Variants in UNC45B observed in about 807,000 individuals in gnomAD.
The protein encoded by UNC45B is unc-45 myosin chaperone B.
In UNC45B, 78 loss-of-function variants were observed where a neutral mutation model predicts 98.7. The ratio of observed to expected loss-of-function variants is 0.79; its 90% CI spans 0.66 to 0.95. UNC45B has a LOEUF of 0.95. Among genes scored for constraint, UNC45B ranks in the 40% least tolerant of loss-of-function variants. The pLI, the probability that UNC45B is intolerant of heterozygous loss-of-function variation, is 0.00. For synonymous variants in UNC45B, 462 were observed against 480.4 expected (o/e 0.96, Z 0.50); for missense variants, 1,225 against 1,184.9 (o/e 1.03, Z -0.50).
chr17:35,175,331 C>T (rs2092225133), intron 14 of UNC45B, among the ~76,000 whole-genome samples: 1 of 152,122 alleles, frequency 6.6e-6, no homozygotes, highest in Non-Finnish European at 1.5e-5. Context: ...CAGCTACAGT[C>T]CGATGCAATG....
chr17:35,178,671 G>T (rs960000928), intron 17 of UNC45B, among the ~76,000 whole-genome samples: 2 of 152,150 alleles, frequency 1.3e-5, no homozygotes, highest in Non-Finnish European at 2.9e-5. Flanking sequence ...TATGGTTTTA[G>T]ATCTTACATT....
chr17:35,150,054 A>T lies in UNC45B; in HGVS notation c.212A>T (p.Asp71Val), dbSNP rs746594588. ...CCCCGTCTCCCCTCGATAGCCATCG[A>T]CATCAACTCCTCGGACATCAAGGCT... ...QAASDASRAI[D>V]INSSDIKALY... Residue 71 changes from aspartate (D) to valine (V), a missense_variant, in exon 4 of 20, where the codon GAC (aspartate) becomes GTC (valine). Coordinates refer to ENST00000394570, the MANE Select transcript of UNC45B (RefSeq NM_001267052.2). The T allele has an allele frequency of 6.2e-7, 1 of 1,604,076 alleles. No homozygotes were observed. The highest frequency in any genetic ancestry group is 8.5e-7 in the Non-Finnish European group (1 of 1,174,904).
chr17:35,155,265 C>G (rs759636726), intron 6 of UNC45B, 31 bp from the exon 7 acceptor site: 50 of 1,608,374 alleles, frequency 3.1e-5, no homozygotes, highest in Non-Finnish European at 4.2e-5. Flanking sequence ...AGGGGCAAGG[C>G]AGCTGACCAT....
At position 35,147,883 on chromosome 17, in the gene UNC45B, G is replaced by T. The variant is rs899475521; in HGVS notation, c.-28G>T. 3.1e-5 allele frequency: 6 copies of T among 191,036 alleles called. No individual in the cohort carries two copies. The highest frequency in any genetic ancestry group is 2.2e-4 in the Admixed American group (4 of 18,428). The allele number at this position is 191,036 out of a possible 1,614,324, so 11.8% of individuals were successfully genotyped here. A position where few individuals can be genotyped will look rare whatever the true frequency, so the allele number is the denominator to read the frequency against. ...AGGGGAGCAGCATCACAAGAGGGCA[G>T]ATCGAAAGCATCGTCCTTGCTGAAA... On this transcript the variant is annotated 5_prime_UTR_variant, in exon 1 of 20. Transcript: ENST00000394570.
intron 10 of UNC45B, among the ~76,000 whole-genome samples, chr17:35,169,526 A>G (rs1217313025): frequency 1.3e-5 from 2 of 152,224 alleles, no homozygotes; most frequent in East Asian, 3.9e-4. Flanking sequence ...AGCTTCAGAT[A>G]TGGTTAACTT....
intron 5 of UNC45B, among the ~76,000 whole-genome samples, chr17:35,153,694 T>C (rs2092037611): frequency 6.7e-6 from 1 of 149,872 alleles, no homozygotes; most frequent in Non-Finnish European, 1.5e-5. Flanking sequence ...TTTTGGTTTG[T>C]TTTTTTTGTT....
intron 17 of UNC45B, among the ~76,000 whole-genome samples, chr17:35,179,884 C>T (rs2092261677): frequency 2.1e-5 from 3 of 143,288 alleles, no homozygotes; most frequent in South Asian, 2.3e-4. Flanking sequence ...TGCACATGTA[C>T]CCTAGAACTT....
chr17:35,179,756 G>A (rs888815825), intron 17 of UNC45B, among the ~76,000 whole-genome samples: 2 of 152,074 alleles, frequency 1.3e-5, no homozygotes, highest in Admixed American at 6.5e-5. Flanking sequence ...TGTTGGGGGT[G>A]GGGAGCTGGG....
chr17:35,148,571 C>A, intron 2 of UNC45B, 140 bp downstream of exon 2: 3 of 986,032 alleles, frequency 3.0e-6, no homozygotes, highest in South Asian at 1.7e-5. Context: ...AGGGTGCCTC[C>A]AACCCCCTGA....
In UNC45B at chr17:35,177,315, C is replaced by T. The variant is rs569505549; in HGVS notation, c.2140-180C>T. 2.0e-5 allele frequency among the ~76,000 whole-genome samples: 3 copies of T among 152,276 alleles called. No homozygotes were observed. In the South Asian group the frequency reaches 6.2e-4, roughly 32 times the overall value. ...CTCTGACAAACCGGATTGCCCTCTC[C>T]AAAATTCAGTTATCCTATCTATAAA... is the stretch of plus-strand genomic sequence containing the variant. On this transcript the variant is annotated intron_variant, in intron 16 of 19. Transcript: ENST00000394570.
chr17:35,174,456 G>C, intron 14 of UNC45B, 87 bp downstream of exon 14: 1 of 1,557,848 alleles, frequency 6.4e-7, no homozygotes, highest in Non-Finnish European at 8.8e-7. Context: ...AGATAGAAAT[G>C]GTGGGGGCCT....
Position 35,180,688 on chromosome 17 carries a change from G to A in UNC45B, c.2373+12G>A, listed in dbSNP as rs1174962191. ...TGCTCCACAAGGAGGTGAGGCAGGG[G>A]CTCAGGATGGAGACCCGGGCGTGAT... On this transcript the variant is annotated intron_variant, in intron 18 of 19. Transcript: ENST00000394570. 3 of 1,605,348 alleles carry A rather than the reference G, an allele frequency of 1.9e-6. No individual in the cohort carries two copies. Among genetic ancestry groups the A allele is most frequent in the African/African-American group, 1.3e-5 (1 of 74,678 alleles).
chr17:35,182,401 T>G (rs1255314293), intron 18 of UNC45B, among the ~76,000 whole-genome samples: 1 of 151,468 alleles, frequency 6.6e-6, no homozygotes, highest in Non-Finnish European at 1.5e-5. Context: ...GTGGCTCACT[T>G]TCAAGCTGAC....
chr17:35,164,611 G>A (rs73989552), intron 9 of UNC45B: 2,585 of 153,276 alleles, frequency 0.017, 80 homozygotes, highest in African/African-American at 0.059. Flanking sequence ...CATCACTTCC[G>A]CCACATTCTA....
intron 5 of UNC45B, among the ~76,000 whole-genome samples, chr17:35,154,344 T>A (rs1437767995): frequency 1.3e-5 from 2 of 152,234 alleles, no homozygotes; most frequent in African/African-American, 4.8e-5. Context: ...TTCATGACTT[T>A]AATGGCTGCA....
chr17:35,163,885 T>C, intron 8 of UNC45B, 110 bp from the exon 9 acceptor site: 1 of 1,258,036 alleles, frequency 7.9e-7, no homozygotes, highest in Non-Finnish European at 1.1e-6. Flanking sequence ...CCACATGTTT[T>C]CTACAGACAG....
chr17:35,177,174 C>A, intron 16 of UNC45B, 44 bp downstream of exon 16: 1 of 1,561,550 alleles, frequency 6.4e-7, no homozygotes. Context: ...GAGGGGTCTC[C>A]TTTGCTCCTA....
intron 8 of UNC45B, among the ~76,000 whole-genome samples, chr17:35,162,659 G>A (rs1597915162): frequency 2.0e-5 from 3 of 151,802 alleles, no homozygotes; most frequent in Non-Finnish European, 4.4e-5. Context: ...GCGTGATCTT[G>A]GCTCACTGAA....
intron 14 of UNC45B, among the ~76,000 whole-genome samples, chr17:35,175,070 A>AGAAAGAAG (rs879769399): frequency 0.09 from 10,890 of 121,024 alleles, 518 homozygotes; most frequent in East Asian, 0.16. Context: ...GAAGAAAGAA[A>AGAAAGAAG]GAAAGAAAGA....
Sources: allele counts gnomAD v4.1 joint callset (sites outside exome capture counted in the v4.1 genomes callset), GRCh38; gene constraint gnomAD v4.1.1; transcripts MANE v1.5; gene names NCBI Gene and HGNC (gene_info 2026-07-23, HGNC 2026-07-21).